Variants in BANP observed in about 807,000 individuals in gnomAD.
BANP encodes protein BANP.
In BANP, 11 loss-of-function variants were observed where a neutral mutation model predicts 68.1. The observed-to-expected ratio is 0.16, with a 90% CI of 0.10 to 0.27. BANP has a LOEUF of 0.27. Ranked by LOEUF, BANP falls within the 10% of genes least tolerant of loss-of-function variation. The probability of loss-of-function intolerance (pLI) is 1.00; values close to 1 mark genes in which losing one functional copy is unlikely to be tolerated. For missense variants in BANP, 504 were observed against 722.7 expected, an observed-to-expected ratio of 0.70 and a Z score of 3.47; for synonymous variants, 329 against 303.2, an observed-to-expected ratio of 1.09 and a Z score of -0.88.
intron 6 of BANP, among the ~76,000 whole-genome samples, chr16:88,009,452 G>A (rs1435771631): frequency 6.6e-6 from 1 of 152,218 alleles, no homozygotes; most frequent in Admixed American, 6.5e-5. Flanking sequence ...TGGCTTGTGT[G>A]AATTGACATG....
At chr16:88,006,930 C>A (rs797008114) in intron 6 of BANP, among the ~76,000 whole-genome samples, 1 of 115,206 alleles carries the variant, frequency 8.7e-6, no homozygotes, top group African/African-American at 3.3e-5. Context: ...CTAGCCTGGG[C>A]GTCAGAGACT....
chr16:88,046,831 C>T (rs938159746), intron 11 of BANP, among the ~76,000 whole-genome samples: 2 of 152,090 alleles, frequency 1.3e-5, no homozygotes, highest in Admixed American at 1.3e-4. Flanking sequence ...CTTTAGGAGG[C>T]CGAGGCGGGC....
chr16:88,046,465 C>T (rs2152805796), intron 11 of BANP, among the ~76,000 whole-genome samples: 1 of 152,298 alleles, frequency 6.6e-6, no homozygotes, highest in African/African-American at 2.4e-5. Flanking sequence ...CTCTAGTGAT[C>T]TTAGGGAGCT....
intron 4 of BANP, among the ~76,000 whole-genome samples, chr16:88,001,271 G>C (rs2069219354): frequency 9.8e-6 from 1 of 101,680 alleles, no homozygotes; most frequent in Non-Finnish European, 1.9e-5. Context: ...TGTCCTTCCA[G>C]ACACCCAGAC....
intron 5 of BANP, among the ~76,000 whole-genome samples, chr16:88,005,849 C>T (rs1057393336): frequency 6.6e-6 from 1 of 152,212 alleles, no homozygotes; most frequent in East Asian, 1.9e-4. Context: ...TGATTTTACT[C>T]CTTTTGTGAT....
intron 1 of BANP, among the ~76,000 whole-genome samples, chr16:87,963,771 C>T (rs1019048917): frequency 6.6e-6 from 1 of 152,166 alleles, no homozygotes; most frequent in Non-Finnish European, 1.5e-5. Context: ...ATACAGGAAG[C>T]CTGGCTTGAC....
rs1363604275 is a variant in BANP at position 87,975,131 on chromosome 16, G to A, written c.16G>A (p.Asp6Asn). MMSEH[D>N]LADVVQIAVE... ...CGTGCTCTGGATGATGTCGGAACACGACCTGGCCGATGTGGTTCAGATTGC... is the reference window on the plus strand; with the variant it reads ...CGTGCTCTGGATGATGTCGGAACACAACCTGGCCGATGTGGTTCAGATTGC... The change falls in exon 2 of 14, where the codon GAC becomes AAC. Residue 6 changes from aspartate to asparagine, a missense_variant. By Grantham distance (23) the Asp-to-Asn change is conservative. Coordinates refer to ENST00000682872, the MANE Select transcript of BANP (RefSeq NM_001386991.1). 2.4e-5 allele frequency: 39 copies of A among 1,613,986 alleles called. No homozygotes were observed. The highest frequency in any genetic ancestry group is 2.7e-5 in the African/African-American group (2 of 74,902).
At position 88,071,314 on chromosome 16, in the gene BANP, C is replaced by CTT. The variant is rs2090256306; in HGVS notation, c.1378-754_1378-753dup. 1 of 370,194 alleles carries CTT rather than the reference C, an allele frequency of 2.7e-6. No individual in the cohort carries two copies. Among genetic ancestry groups the CTT allele is most frequent in the Non-Finnish European group, 5.4e-6 (1 of 186,118 alleles). The allele number at this position is 370,194 out of a possible 1,614,324, so 22.9% of individuals were successfully genotyped here. A position where few individuals can be genotyped will look rare whatever the true frequency, so the allele number is the denominator to read the frequency against. On this transcript the variant is annotated intron_variant, in intron 12 of 13. Coordinates refer to ENST00000682872, the MANE Select transcript of BANP (RefSeq NM_001386991.1). This position sits in a 1 kb window ranked among gnomAD's most constrained non-coding sequence, Gnocchi z 6.5. ...CTGCCCACCCGCCTGCCTGGGCCGT[C>CTT]TTGACACCGGAGCTGCCTGCCTGGA... is the stretch of plus-strand genomic sequence containing the variant.
Position 88,018,752 on chromosome 16 carries a change from A to T in BANP, c.895+85A>T. 6.8e-7 allele frequency: 1 copy of T among 1,465,396 alleles called. No individual in the cohort carries two copies. The highest frequency in any genetic ancestry group is 9.1e-7 in the Non-Finnish European group (1 of 1,094,336). The allele number at this position is 1,465,396 out of a possible 1,614,324, so 90.8% of individuals were successfully genotyped here. A position where few individuals can be genotyped will look rare whatever the true frequency, so the allele number is the denominator to read the frequency against. On this transcript the variant is annotated intron_variant, in intron 7 of 13. Transcript: ENST00000682872. The surrounding 1 kb of genome is among the most constrained non-coding windows in gnomAD (Gnocchi z 7.7). The stretch of plus-strand genomic sequence containing the variant: ...TTTCAATGCTGAGGACGCTGGCATC[A>T]GTAGCACCGGCACGGGGCTGCGTTT...
intron 4 of BANP, among the ~76,000 whole-genome samples, chr16:87,989,084 C>G (rs185894485): frequency 2.2e-4 from 34 of 152,318 alleles, no homozygotes; most frequent in Admixed American, 4.6e-4. Flanking sequence ...GAATGAGATT[C>G]TTTAAATAAC....
intron 11 of BANP, among the ~76,000 whole-genome samples, chr16:88,044,688 T>C (rs1303105678): frequency 3.9e-5 from 6 of 152,178 alleles, no homozygotes; most frequent in Non-Finnish European, 8.8e-5. Flanking sequence ...TTTTTAAAAA[T>C]TTACAACTAT....
rs1033378182 is a variant in BANP at position 88,076,733 on chromosome 16, C to T, written c.*72C>T. Reference sequence around the variant, plus strand: ...CCGGCCCCCACGCGCCCTGCTCTCACGGCCTCGGCACAGGCAGCGGCTGCA... The same window carrying T: ...CCGGCCCCCACGCGCCCTGCTCTCATGGCCTCGGCACAGGCAGCGGCTGCA... On this transcript the variant is annotated 3_prime_UTR_variant, in exon 14 of 14. Coordinates refer to ENST00000682872, the MANE Select transcript of BANP (RefSeq NM_001386991.1). The T allele has an allele frequency of 1.8e-5, 23 of 1,300,900 alleles. No individual in the cohort carries two copies. The highest frequency in any genetic ancestry group is 5.1e-4 in the Middle Eastern group (2 of 3,948). The allele number at this position is 1,300,900 out of a possible 1,614,324, so 80.6% of individuals were successfully genotyped here.
chr16:87,969,754 G>T (rs563351473), intron 1 of BANP, among the ~76,000 whole-genome samples: 1 of 151,858 alleles, frequency 6.6e-6, no homozygotes, highest in Non-Finnish European at 1.5e-5. Flanking sequence ...GGCTGGTCTC[G>T]AACACCTGAC....
intron 1 of BANP, chr16:87,969,927 T>G (rs1288450830): frequency 2.0e-5 from 2 of 98,024 alleles, no homozygotes; most frequent in East Asian, 2.9e-4. Flanking sequence ...TTTTTTTTTT[T>G]GACAGAGTCT....
intron 12 of BANP, among the ~76,000 whole-genome samples, chr16:88,068,743 C>G (rs1374800439): frequency 1.3e-5 from 2 of 152,286 alleles, no homozygotes; most frequent in East Asian, 3.9e-4. Context: ...CCCCAGCCCC[C>G]TTTCCAAGTG....
intron 1 of BANP, among the ~76,000 whole-genome samples, chr16:87,951,814 C>T (rs1168199541): frequency 6.6e-6 from 1 of 152,062 alleles, no homozygotes; most frequent in Non-Finnish European, 1.5e-5. Flanking sequence ...CGCTCCCGAC[C>T]TCTGTCCCGG....
At chr16:88,027,806 C>T (rs1405372243) in intron 8 of BANP, among the ~76,000 whole-genome samples, 156 bp downstream of exon 8, 1 of 152,244 alleles carries the variant, frequency 6.6e-6, no homozygotes, top group Non-Finnish European at 1.5e-5. Context: ...AGTGGAGCCG[C>T]AGGACCTGTG....
intron 11 of BANP, among the ~76,000 whole-genome samples, chr16:88,059,628 T>A (rs1457808355): frequency 6.6e-6 from 1 of 152,114 alleles, no homozygotes; most frequent in African/African-American, 2.4e-5. Context: ...TGCAGGCATG[T>A]GCTGAGCCCT....
At chr16:88,039,806 C>G (rs568709625) in intron 11 of BANP, among the ~76,000 whole-genome samples, 8 of 147,158 alleles carry the variant, frequency 5.4e-5, no homozygotes, top group African/African-American at 1.7e-4. Flanking sequence ...TCTGGTGTCT[C>G]TGGTTCCTCC....
Sources: gnomAD v4.1 joint callset for allele counts (sites outside exome capture counted in the v4.1 genomes callset) on GRCh38, gnomAD v4.1.1 for gene constraint, Gnocchi (gnomAD v3.1) non-coding constraint, MANE v1.5 for transcripts, NCBI Gene and HGNC (gene_info 2026-07-23, HGNC 2026-07-21) for gene names.